Variants in NRAP observed in about 807,000 individuals in gnomAD.
The protein encoded by NRAP is nebulin-related-anchoring protein.
NRAP carries 189 observed loss-of-function variants against 225.9 expected under a neutral mutation model. The ratio of observed to expected loss-of-function variants is 0.84; its 90% CI spans 0.74 to 0.94. The LOEUF (loss-of-function observed/expected upper bound fraction) is 0.94. NRAP is among the 40% of genes least tolerant of loss of function. NRAP has a pLI of 0.00. For missense variants in NRAP, 2,176 were observed against 2,168.7 expected (o/e 1.00, Z -0.07); for synonymous variants, 769 against 790.7 (o/e 0.97, Z 0.46).
intron 9 of NRAP, among the ~76,000 whole-genome samples, chr10:113,647,728 T>C (rs934001823): frequency 3.9e-5 from 6 of 152,124 alleles, no homozygotes; most frequent in African/African-American, 1.2e-4. Flanking sequence ...TCCCCAATGG[T>C]ATGTGTCATG....
At chr10:113,648,613 G>GATATTT (rs1456468548) in intron 9 of NRAP, among the ~76,000 whole-genome samples, 1 of 152,048 alleles carries the variant, frequency 6.6e-6, no homozygotes, top group African/African-American at 2.4e-5. Context: ...AGGCACTACA[G>GATATTT]ATATTTATAG....
At chr10:113,610,248 G>A (rs1446451340) in intron 31 of NRAP, among the ~76,000 whole-genome samples, 1 of 150,420 alleles carries the variant, frequency 6.6e-6, no homozygotes, top group East Asian at 2.0e-4. Flanking sequence ...TACCTAGGAG[G>A]CTGAGGCAGG....
chr10:113,654,204 A>T, intron 4 of NRAP, 79 bp from the exon 5 acceptor site: 1 of 832,240 alleles, frequency 1.2e-6, no homozygotes, highest in Non-Finnish European at 2.1e-6. Context: ...TCAAAAGAAG[A>T]TATTCTTAAA....
chr10:113,590,697 T>G lies in NRAP; in HGVS notation c.4837A>C (p.Lys1613Gln). ...STDQPGLLQA[K>Q]RSQQLASDVH... ...TCACTGGCCAGCTGCTGGCTCCTCT[T>G]GGCCTGAAGGAGGCCGGGCTGGTCT... is the stretch of plus-strand genomic sequence containing the variant. The change falls in exon 40 of 42, where the codon AAG becomes CAG. Residue 1613 changes from lysine (K) to glutamine (Q), a missense_variant. Physicochemically the swap from Lys to Gln is moderately conservative, Grantham distance 53. This residue lies in a region of NRAP where 445 missense variants were observed against 426.1 expected (regional missense o/e 1.04). Coordinates refer to ENST00000359988, the MANE Select transcript of NRAP (RefSeq NM_198060.4). The G allele has an allele frequency of 6.2e-7, 1 of 1,614,202 alleles. No individual in the cohort carries two copies. Among genetic ancestry groups the G allele is most frequent in the East Asian group, 2.2e-5 (1 of 44,878 alleles).
chr10:113,589,144 TC>T, intron 41 of NRAP, 65 bp from the exon 42 acceptor site: 1 of 1,365,660 alleles, frequency 7.3e-7, no homozygotes, highest in Non-Finnish European at 1.0e-6. Context: ...CGGCCCCGGT[TC>T]CCACAGGACA....
rs1371767209 is a variant in NRAP, at chr10:113,606,085, TG to T, written c.3807+92del. 5.1e-6 allele frequency: 5 copies of T among 982,192 alleles called. No homozygotes were observed. The African/African-American group carries it at 6.4e-5, about 13-fold the overall frequency. 60.8% of individuals were successfully genotyped at this position (982,192 alleles called of 1,614,324 possible). On this transcript the variant is annotated intron_variant, in intron 33 of 41. Coordinates refer to ENST00000359988, the MANE Select transcript of NRAP (RefSeq NM_198060.4). ...AGCTACACATTTTAAAAAGCTTCTG[TG>T]AAGGCCAGAAAGGTCAGTGTTGGGT...
intron 8 of NRAP, 90 bp downstream of exon 8, chr10:113,650,348 A>G (rs1849867130): frequency 6.1e-6 from 6 of 988,414 alleles, no homozygotes; most frequent in South Asian, 3.9e-5. Context: ...TTCAGGGTAA[A>G]TGCAAAAGTC....
At chr10:113,631,801 G>T in intron 17 of NRAP, 56 bp downstream of exon 17, 1 of 1,124,838 alleles carries the variant, frequency 8.9e-7, no homozygotes, top group Non-Finnish European at 1.4e-6. Flanking sequence ...CAGGACCACT[G>T]ACATTTTATT....
At chr10:113,609,471 C>T (rs1222691595) in intron 31 of NRAP, among the ~76,000 whole-genome samples, 1 of 152,216 alleles carries the variant, frequency 6.6e-6, no homozygotes, top group Admixed American at 6.5e-5. Context: ...CCTCTTGTCC[C>T]TGCATCTACC....
intron 3 of NRAP, among the ~76,000 whole-genome samples, chr10:113,660,712 TC>T (rs1297627153): frequency 2.0e-5 from 3 of 152,198 alleles, no homozygotes; most frequent in Non-Finnish European, 4.4e-5. Flanking sequence ...AAAGTACATC[TC>T]CTCATGTTTT....
chr10:113,641,569 G>C, intron 12 of NRAP, 97 bp from the exon 13 acceptor site: 1 of 721,792 alleles, frequency 1.4e-6, no homozygotes, highest in South Asian at 1.7e-5. Context: ...AGGCATAAAT[G>C]ATTAAATATA....
chr10:113,634,075 G>T, intron 15 of NRAP, 37 bp downstream of exon 15: 1 of 1,409,616 alleles, frequency 7.1e-7, no homozygotes, highest in South Asian at 1.2e-5. Context: ...GCAATTTCAA[G>T]ACCCCTACAT....
At chr10:113,641,325 C>T (rs1368729897) in intron 13 of NRAP, 40 bp downstream of exon 13, 2 of 1,217,974 alleles carry the variant, frequency 1.6e-6, no homozygotes, top group Non-Finnish European at 2.4e-6. Flanking sequence ...CATGCCCTGC[C>T]CCACTCCATC....
At chr10:113,620,024 G>T (rs554520637) in intron 25 of NRAP, among the ~76,000 whole-genome samples, 3 of 151,732 alleles carry the variant, frequency 2.0e-5, no homozygotes, top group African/African-American at 7.2e-5. Flanking sequence ...TAGTGCCGAA[G>T]TTGAAAAACT....
At chr10:113,604,339 A>C (rs1430304965) in intron 35 of NRAP, among the ~76,000 whole-genome samples, 1 of 151,906 alleles carries the variant, frequency 6.6e-6, no homozygotes, top group South Asian at 2.1e-4. Flanking sequence ...CTAGTCTCAA[A>C]CTCCTGACCT....
rs369951451 is a variant in NRAP, at chr10:113,634,187, G to A, written c.1452C>T (p.Asp484=). ...CAGTCACCGAGCTGTACTTCAACTT[G>A]TCGATGCTCTGCCTATAATTGGCCT... The part of the protein sequence containing the change: ...LKDANYRQSI[D]KLKYSSVTDT... Residue 484 remains aspartate (D), a synonymous_variant, in exon 15 of 42, where the codon GAC becomes GAT. Transcript: ENST00000359988. 2 of 1,613,094 alleles carry A rather than the reference G, an allele frequency of 1.2e-6. No homozygotes were observed. The highest frequency in any genetic ancestry group is 1.7e-6 in the Non-Finnish European group (2 of 1,179,222).
At position 113,634,206 on chromosome 10, in the gene NRAP, T is replaced by C; in HGVS notation, c.1433A>G (p.Asn478Ser). 4.4e-6 allele frequency: 7 copies of C among 1,608,250 alleles called. No individual in the cohort carries two copies. The highest frequency in any genetic ancestry group is 4.5e-5 in the East Asian group (2 of 44,826). The change falls in exon 15 of 42, where the codon AAT becomes AGT. Residue 478 changes from asparagine to serine, a missense_variant. Asn to Ser is a conservative substitution (Grantham distance 46). Transcript: ENST00000359988. ...AMKLVPLKDA[N>S]YRQSIDKLKY... ...CAACTTGTCGATGCTCTGCCTATAA[T>C]TGGCCTAGGTAAAAACAGGCACAAA...
At position 113,623,300 on chromosome 10, in the gene NRAP, CA is replaced by C. The variant is rs770458858; in HGVS notation, c.2457+228del. On this transcript the variant is annotated intron_variant, in intron 23 of 41. Coordinates refer to ENST00000359988, the MANE Select transcript of NRAP (RefSeq NM_198060.4). The stretch of plus-strand genomic sequence containing the variant: ...TGGATTCTTACTCTTGCTACTACTA[CA>C]AATAATAAGTCATCACTTACTGAAA... Among the ~76,000 whole-genome samples, 8 of 152,260 alleles carry C rather than the reference CA, an allele frequency of 5.3e-5. No individual in the cohort carries two copies. The East Asian group carries it at 1.5e-3, about 29-fold the overall frequency.
In NRAP at chr10:113,650,553, G is replaced by T. The variant is rs767986176; in HGVS notation, c.676-8C>A. On this transcript the variant is annotated splice_polypyrimidine_tract_variant and splice_region_variant and intron_variant, in intron 7 of 41. Coordinates refer to ENST00000359988, the MANE Select transcript of NRAP (RefSeq NM_198060.4). ...GTCCTCTGTGTATCTCACCTGAAAT[G>T]AAAAAACATGTGAATCACATGCCCC... 3.2e-6 allele frequency: 5 copies of T among 1,562,506 alleles called. No individual in the cohort carries two copies. In the Admixed American group the frequency reaches 8.4e-5, roughly 26 times the overall value.
Sources: gnomAD v4.1 joint callset for allele counts (sites outside exome capture counted in the v4.1 genomes callset) on GRCh38, gnomAD v4.1.1 for gene constraint, gnomAD v4.1.1 regional missense constraint, MANE v1.5 for transcripts, NCBI Gene and HGNC (gene_info 2026-07-23, HGNC 2026-07-21) for gene names.